Variants in ZNF2 observed in about 807,000 individuals in gnomAD.
ZNF2 encodes the protein zinc finger protein 2.
Under a neutral mutation model 21.9 loss-of-function variants are expected in ZNF2, and 12 were observed. The observed-to-expected ratio is 0.55, with a 90% CI of 0.35 to 0.89. The LOEUF is 0.89. Ranked by LOEUF, ZNF2 falls within the 40% of genes least tolerant of loss-of-function variation. The pLI is 0.01. For missense variants in ZNF2, 462 were observed against 544.2 expected (o/e 0.85, Z 1.50); for synonymous variants, 186 against 196.3 (o/e 0.95, Z 0.44).
chr2:95,172,510 T>C (rs1674310758), intron 1 of ZNF2, among the ~76,000 whole-genome samples: 1 of 152,216 alleles, frequency 6.6e-6, no homozygotes, highest in Non-Finnish European at 1.5e-5. Flanking sequence ...TAAAAATAAC[T>C]TATAACTCAC....
chr2:95,177,654 T>C (rs776388123), intron 3 of ZNF2, 45 bp downstream of exon 3: 13 of 1,580,894 alleles, frequency 8.2e-6, no homozygotes, highest in Non-Finnish European at 3.4e-6. Context: ...ACTATGCTAA[T>C]GTGGGGCTGA....
chr2:95,172,123 A>C (rs769775501), intron 1 of ZNF2, among the ~76,000 whole-genome samples: 1 of 152,202 alleles, frequency 6.6e-6, no homozygotes, highest in Admixed American at 6.5e-5. Flanking sequence ...TGCTCAAGGA[A>C]GCTCATTGGA....
At chr2:95,177,659 G>A in intron 3 of ZNF2, 50 bp downstream of exon 3, 1 of 1,564,612 alleles carries the variant, frequency 6.4e-7, no homozygotes, top group Non-Finnish European at 8.7e-7. Flanking sequence ...GCTAATGTGG[G>A]GCTGAGAGGG....
rs1033160410 is a variant in ZNF2 at position 95,171,624 on chromosome 2, A to G, written c.-39-4564A>G. ...TCTTGAACTCCTGACCTCGTGATCC[A>G]CCCGCCTCGGCCTCCCAAAGTGCTG... On this transcript the variant is annotated intron_variant, in intron 1 of 4. Coordinates refer to ENST00000614034, the MANE Select transcript of ZNF2 (RefSeq NM_021088.4). Among the ~76,000 whole-genome samples, 3 of 151,902 alleles carry G rather than the reference A, an allele frequency of 2.0e-5. No individual in the cohort carries two copies. In the East Asian group the frequency reaches 5.8e-4, roughly 29 times the overall value.
chr2:95,178,372 A>G (rs535806151), intron 3 of ZNF2, among the ~76,000 whole-genome samples: 6 of 152,308 alleles, frequency 3.9e-5, no homozygotes, highest in African/African-American at 1.4e-4. Flanking sequence ...AGTAAGTGCT[A>G]ACACCCCCCA....
At position 95,180,228 on chromosome 2, in the gene ZNF2, T is replaced by G; in HGVS notation, c.230T>G (p.Leu77Arg). 6.2e-7 allele frequency: 1 copy of G among 1,614,158 alleles called. No homozygotes were observed. The highest frequency in any genetic ancestry group is 1.1e-5 in the South Asian group (1 of 91,086). The change falls in exon 4 of 5, where the codon CTT (leucine) becomes CGT (arginine). Residue 77 changes from leucine to arginine, a missense_variant. Physicochemically the swap from Leu to Arg is moderately radical, Grantham distance 102. Transcript: ENST00000614034. ...KRGDKPWMVD[L>R]HGSEEREWPE... ...GGGGACAAGCCGTGGATGGTAGATC[T>G]TCATGGGTCTGAGGAGAGAGAATGG...
At chr2:95,173,563 T>A (rs1381027359) in intron 1 of ZNF2, among the ~76,000 whole-genome samples, 1 of 152,266 alleles carries the variant, frequency 6.6e-6, no homozygotes, top group Non-Finnish European at 1.5e-5. Flanking sequence ...TACAAAGCCT[T>A]AATTTCCTAA....
intron 1 of ZNF2, among the ~76,000 whole-genome samples, chr2:95,167,340 T>TA (rs1246445300): frequency 8.3e-5 from 12 of 145,412 alleles, no homozygotes; most frequent in African/African-American, 2.0e-4. Context: ...CCGTCTCTAC[T>TA]AAAAAAATAC....
intron 1 of ZNF2, among the ~76,000 whole-genome samples, chr2:95,171,758 A>C (rs1351045937): frequency 6.6e-6 from 1 of 152,132 alleles, no homozygotes; most frequent in Non-Finnish European, 1.5e-5. Flanking sequence ...CATCTTTCTT[A>C]TTTAATTATA....
At position 95,169,628 on chromosome 2, in the gene ZNF2, T is replaced by C. The variant is rs554058729; in HGVS notation, c.-40+3768T>C. Among the ~76,000 whole-genome samples the C allele has an allele frequency of 8.5e-5, 13 of 152,184 alleles. No homozygotes were observed. In the East Asian group the frequency reaches 2.3e-3, roughly 27 times the overall value. On this transcript the variant is annotated intron_variant, in intron 1 of 4. Coordinates refer to ENST00000614034, the MANE Select transcript of ZNF2 (RefSeq NM_021088.4). ...AGCCAGGCATGGTGGCAGGCACCTATAATCCCAGCTACTCAGGAGGCTGAG... is the reference window on the plus strand; with the variant it reads ...AGCCAGGCATGGTGGCAGGCACCTACAATCCCAGCTACTCAGGAGGCTGAG...
rs1674671170 is a variant in ZNF2 at position 95,181,755 on chromosome 2, C to T, written c.927C>T (p.Gly309=). ...ILTRHQLIHT[G]RKPYECNECG... is the part of the protein sequence containing the mutation. ...CTCGCCATCAGCTAATCCACACTGG[C>T]AGGAAGCCTTATGAGTGTAACGAGT... is the stretch of plus-strand genomic sequence containing the variant. Residue 309 remains glycine, a synonymous_variant, in exon 5 of 5, where the codon GGC becomes GGT. Coordinates refer to ENST00000614034, the MANE Select transcript of ZNF2 (RefSeq NM_021088.4). The T allele has an allele frequency of 3.7e-6, 6 of 1,614,188 alleles. No individual in the cohort carries two copies. Among genetic ancestry groups the T allele is most frequent in the Non-Finnish European group, 5.1e-6 (6 of 1,180,034 alleles).
intron 1 of ZNF2, among the ~76,000 whole-genome samples, chr2:95,173,465 T>A (rs1345434187): frequency 6.6e-6 from 1 of 152,234 alleles, no homozygotes; most frequent in Non-Finnish European, 1.5e-5. Context: ...GTAATTGATG[T>A]GGCTATCTTT....
At chr2:95,170,991 A>G (rs562374310) in intron 1 of ZNF2, among the ~76,000 whole-genome samples, 3 of 152,362 alleles carry the variant, frequency 2.0e-5, no homozygotes, top group African/African-American at 4.8e-5. Flanking sequence ...AATAGAAAAA[A>G]GTACCTTTTT....
At position 95,182,799 on chromosome 2, in the gene ZNF2, CAAAATCT is replaced by C. The variant is rs1308014456; in HGVS notation, c.*695_*701del. On this transcript the variant is annotated 3_prime_UTR_variant, in exon 5 of 5. Transcript: ENST00000614034. ...CAGGTCTTGAAGACAGGTCCACCTT[CAAAATCT>C]ATTCTCTTTACCATTATGCTCGATG... The C allele has an allele frequency of 6.6e-6, 1 of 152,580 alleles. No individual in the cohort carries two copies. Among genetic ancestry groups the C allele is most frequent in the East Asian group, 1.9e-4 (1 of 5,186 alleles). The allele number at this position is 152,580 out of a possible 1,614,324, so 9.5% of individuals were successfully genotyped here.
At chr2:95,167,720 G>T (rs1487090450) in intron 1 of ZNF2, among the ~76,000 whole-genome samples, 3 of 151,898 alleles carry the variant, frequency 2.0e-5, no homozygotes, top group African/African-American at 7.2e-5. Context: ...GATGGCGGGT[G>T]CCTGTAATCC....
intron 1 of ZNF2, among the ~76,000 whole-genome samples, chr2:95,167,505 C>CAAA (rs756206050): frequency 1.3e-4 from 6 of 44,854 alleles, no homozygotes; most frequent in African/African-American, 2.5e-4. Context: ...GACTCAGTCT[C>CAAA]AAAAAAAAAA....
chr2:95,174,376 C>CA (rs1674374011), intron 1 of ZNF2, among the ~76,000 whole-genome samples: 1 of 152,188 alleles, frequency 6.6e-6, no homozygotes, highest in Non-Finnish European at 1.5e-5. Context: ...ATCTCCATGC[C>CA]TGTGGAGAAA....
chr2:95,167,677 G>A (rs561135134), intron 1 of ZNF2, among the ~76,000 whole-genome samples: 7 of 151,424 alleles, frequency 4.6e-5, no homozygotes, highest in Non-Finnish European at 8.8e-5. Flanking sequence ...GTGAAACCCC[G>A]TCTCTACAAA....
intron 1 of ZNF2, among the ~76,000 whole-genome samples, chr2:95,166,991 C>G (rs1674074683): frequency 6.6e-6 from 1 of 152,090 alleles, no homozygotes; most frequent in South Asian, 2.1e-4. Flanking sequence ...AAATGGAGCC[C>G]TGAATGTGGA....
Sources: gnomAD v4.1 joint callset for allele counts (sites outside exome capture counted in the v4.1 genomes callset) on GRCh38, gnomAD v4.1.1 for gene constraint, MANE v1.5 for transcripts, NCBI Gene and HGNC (gene_info 2026-07-23, HGNC 2026-07-21) for gene names.